OSMR: variants seen among roughly 807,000 people sequenced by gnomAD.
OSMR encodes oncostatin M receptor.
A neutral mutation model predicts 99.9 loss-of-function variants in OSMR; 81 were observed. The observed-to-expected ratio is 0.81, with a 90% CI of 0.68 to 0.97. The LOEUF is 0.97. Among genes scored for constraint, OSMR ranks in the 50% least tolerant of loss-of-function variants. The probability of loss-of-function intolerance (pLI) is 0.00; values close to 1 mark genes in which losing one functional copy is unlikely to be tolerated. For synonymous variants in OSMR, 406 were observed against 410.4 expected, an observed-to-expected ratio of 0.99 and a Z score of 0.13; for missense variants, 1,099 against 1,153.4, an observed-to-expected ratio of 0.95 and a Z score of 0.68.
chr5:38,865,292 C>T (rs746298199), intron 1 of OSMR, among the ~76,000 whole-genome samples: 2 of 152,110 alleles, frequency 1.3e-5, no homozygotes, highest in Non-Finnish European at 2.9e-5. Flanking sequence ...GGAGGTATCA[C>T]GTTTCCTTGC....
intron 1 of OSMR, chr5:38,942,366 C>A: frequency 6.3e-7 from 1 of 1,590,672 alleles, no homozygotes; most frequent in South Asian, 1.2e-5. Flanking sequence ...ACAGCCTCTG[C>A]TTCTTCATGC....
chr5:38,933,340 A>G lies in OSMR; in HGVS notation c.2836A>G (p.Lys946Glu), dbSNP rs1746870334. 2 of 1,614,062 alleles carry G rather than the reference A, an allele frequency of 1.2e-6. No homozygotes were observed. Among genetic ancestry groups the G allele is most frequent in the African/African-American group, 2.7e-5 (2 of 74,942 alleles). The change falls in exon 18 of 18, where the codon AAA (lysine) becomes GAA (glutamate). Residue 946 changes from lysine to glutamate, a missense_variant. Transcript: ENST00000274276. ...AGAGGCACCACACTGTTCAGAGTAT[A>G]AAATGCAAATGGCAGTCTCCCTGCG... The part of the protein sequence containing the change: ...PVEAPHCSEY[K>E]MQMAVSLRLA...
At chr5:38,928,200 C>CCA (rs1408434801) in intron 15 of OSMR, among the ~76,000 whole-genome samples, 1 of 152,154 alleles carries the variant, frequency 6.6e-6, no homozygotes, top group East Asian at 1.9e-4. Context: ...CCAAACTTTC[C>CCA]CACATCTTCC....
chr5:38,877,050 A>T (rs1023235096), intron 3 of OSMR, among the ~76,000 whole-genome samples: 1 of 152,232 alleles, frequency 6.6e-6, no homozygotes, highest in African/African-American at 2.4e-5. Context: ...GCACTAGGAC[A>T]CATGAGTGGT....
At chr5:38,869,968 T>C (rs1260798240) in intron 2 of OSMR, among the ~76,000 whole-genome samples, 1 of 152,146 alleles carries the variant, frequency 6.6e-6, no homozygotes, top group African/African-American at 2.4e-5. Context: ...TTCATGAAAA[T>C]GATCTTTGCG....
intron 9 of OSMR, chr5:38,917,246 C>A: frequency 5.7e-6 from 1 of 175,636 alleles, no homozygotes; most frequent in Non-Finnish European, 1.1e-5. Context: ...CCTAACTCAT[C>A]TGGAATTGGT....
Position 38,933,535 on chromosome 5 carries a change from C to T in OSMR, c.*91C>T, listed in dbSNP as rs767424089. 5 of 1,416,680 alleles carry T rather than the reference C, an allele frequency of 3.5e-6. No homozygotes were observed. The African/African-American group carries it at 5.6e-5, about 16-fold the overall frequency. 87.8% of individuals were successfully genotyped at this position (1,416,680 alleles called of 1,614,324 possible). ...ATCACCAGTGGCCTTGGTCCTTAATCCCAGTACGATTTGCAGGTCTGGTTT... is the reference window on the plus strand; with the variant it reads ...ATCACCAGTGGCCTTGGTCCTTAATTCCAGTACGATTTGCAGGTCTGGTTT... On this transcript the variant is annotated 3_prime_UTR_variant, in exon 18 of 18. Coordinates refer to ENST00000274276, the MANE Select transcript of OSMR (RefSeq NM_003999.3).
At chr5:38,882,407 T>C (rs1016110020) in intron 4 of OSMR, among the ~76,000 whole-genome samples, 2 of 152,120 alleles carry the variant, frequency 1.3e-5, no homozygotes, top group Non-Finnish European at 2.9e-5. Flanking sequence ...AAATCCTGTC[T>C]CTACTAAAAA....
intron 7 of OSMR, among the ~76,000 whole-genome samples, chr5:38,887,742 G>A (rs942536844): frequency 6.6e-6 from 1 of 151,974 alleles, no homozygotes; most frequent in African/African-American, 2.4e-5. Context: ...GCTTTTCATG[G>A]GATTTGCACT....
chr5:38,936,315 C>CTAAT (rs1747037482), downstream of OSMR, among the ~76,000 whole-genome samples: 1 of 151,976 alleles, frequency 6.6e-6, no homozygotes, highest in Admixed American at 6.6e-5. Flanking sequence ...TCTACTTTTT[C>CTAAT]TAATAGTCAT....
chr5:38,939,204 A>T (rs1317543127), downstream of OSMR: 2 of 232,952 alleles, frequency 8.6e-6, no homozygotes, highest in Non-Finnish European at 1.7e-5. Flanking sequence ...AGGAAAATGT[A>T]AATAAGCATT....
intron 1 of OSMR, among the ~76,000 whole-genome samples, chr5:38,852,285 C>CT (rs1175642153): frequency 6.6e-6 from 1 of 152,158 alleles, no homozygotes; most frequent in Non-Finnish European, 1.5e-5. Context: ...GTGCAATACT[C>CT]TGTCTATCAT....
chr5:38,863,961 A>G (rs774811281), intron 1 of OSMR, among the ~76,000 whole-genome samples: 2 of 152,216 alleles, frequency 1.3e-5, no homozygotes, highest in Non-Finnish European at 2.9e-5. Context: ...TTTTATCTAA[A>G]TACAGCTACT....
In OSMR at chr5:38,848,769, C is replaced by CGTGTTATT. The variant is rs576215575; in HGVS notation, c.-14+2383_-14+2390dup. ...TAGATACCTCTTTTGTTAATGGCTA[C>CGTGTTATT]GTGTTATTCTTTTTGTGTGTGTGTG... On this transcript the variant is annotated intron_variant, in intron 1 of 17. Transcript: ENST00000274276. Among the ~76,000 whole-genome samples the CGTGTTATT allele has an allele frequency of 1.1e-3, 170 of 152,190 alleles. 2 individuals carry two copies. The highest frequency in any genetic ancestry group is 3.7e-3 in the African/African-American group (154 of 41,514).
rs1030406500 is a variant in OSMR at position 38,848,669 on chromosome 5, G to A, written c.-14+2282G>A. The stretch of plus-strand genomic sequence containing the variant: ...ATACATATACATATGTTTTAAATAT[G>A]CAAATTATCTTACTATACTTATTGT... On this transcript the variant is annotated intron_variant, in intron 1 of 17. Transcript: ENST00000274276. 3.3e-5 allele frequency among the ~76,000 whole-genome samples: 5 copies of A among 152,188 alleles called. No individual in the cohort carries two copies. The East Asian group carries it at 7.7e-4, about 23-fold the overall frequency.
At chr5:38,899,682 G>T (rs1191551686) in intron 7 of OSMR, among the ~76,000 whole-genome samples, 1 of 152,184 alleles carries the variant, frequency 6.6e-6, no homozygotes, top group African/African-American at 2.4e-5. Flanking sequence ...CTGGCCCAGG[G>T]TGTGTCTTTA....
At chr5:38,920,213 G>T (rs1329511909) in intron 11 of OSMR, among the ~76,000 whole-genome samples, 1 of 152,124 alleles carries the variant, frequency 6.6e-6, no homozygotes, top group Admixed American at 6.5e-5. Flanking sequence ...ACCTTCTGGT[G>T]AGAGGCTCCA....
At chr5:38,853,229 T>C (rs1740571020) in intron 1 of OSMR, among the ~76,000 whole-genome samples, 1 of 152,232 alleles carries the variant, frequency 6.6e-6, no homozygotes, top group Non-Finnish European at 1.5e-5. Context: ...TTGATATCTT[T>C]GTTCATCTGG....
chr5:38,891,347 C>T (rs1326931115), intron 7 of OSMR, among the ~76,000 whole-genome samples: 1 of 152,186 alleles, frequency 6.6e-6, no homozygotes, highest in African/African-American at 2.4e-5. Flanking sequence ...GTTTCTAGTT[C>T]AAGAGGACTG....
Sources: allele counts gnomAD v4.1 joint callset (sites outside exome capture counted in the v4.1 genomes callset), GRCh38; gene constraint gnomAD v4.1.1; transcripts MANE v1.5; gene names NCBI Gene and HGNC (gene_info 2026-07-23, HGNC 2026-07-21).